CLPP: variants seen among roughly 807,000 people sequenced by gnomAD.
CLPP encodes ATP-dependent Clp protease proteolytic subunit, mitochondrial.
A neutral mutation model predicts 27.4 loss-of-function variants in CLPP; 14 were observed. The ratio of observed to expected loss-of-function variants is 0.51; its 90% CI spans 0.34 to 0.80. The LOEUF is 0.80. Among genes scored for constraint, CLPP ranks in the 30% least tolerant of loss-of-function variants. The pLI, the probability that CLPP is intolerant of heterozygous loss-of-function variation, is 0.02. For missense variants in CLPP, 361 were observed against 403.6 expected (o/e 0.89, Z 0.90); for synonymous variants, 193 against 166.6 (o/e 1.16, Z -1.22).
Position 6,362,466 on chromosome 19 carries a change from C to T in CLPP, c.291C>T (p.Ser97=). Residue 97 remains serine (S), a synonymous_variant, in exon 3 of 6, where the codon AGC becomes AGT. Transcript: ENST00000245816. ...VMGPIDDSVA[S]LVIAQLLFLQ... Reference sequence around the variant, plus strand: ...TGCAGATCGATGACAGCGTTGCCAGCCTTGTTATCGCACAGCTCCTCTTCC... The same window carrying T: ...TGCAGATCGATGACAGCGTTGCCAGTCTTGTTATCGCACAGCTCCTCTTCC... 6.2e-7 allele frequency: 1 copy of T among 1,613,940 alleles called. No individual in the cohort carries two copies. Among genetic ancestry groups the T allele is most frequent in the Admixed American group, 1.7e-5 (1 of 60,012 alleles).
At position 6,361,883 on chromosome 19, in the gene CLPP, C is replaced by G; in HGVS notation, c.213C>G (p.Arg71=). ...TCTACCCCCAGGGTCGCGGCGAGCG[C>G]GCCTATGACATCTACTCGCGGCTGC... ...IVVEQTGRGE[R]AYDIYSRLLR... The change falls in exon 2 of 6, where the codon CGC becomes CGG. Residue 71 remains arginine (R), a synonymous_variant. Transcript: ENST00000245816. The G allele has an allele frequency of 6.3e-7, 1 of 1,598,432 alleles. No individual in the cohort carries two copies. The highest frequency in any genetic ancestry group is 8.5e-7 in the Non-Finnish European group (1 of 1,179,306).
Position 6,361,570 on chromosome 19 carries a change from G to A in CLPP, c.-5G>A, listed in dbSNP as rs75589928. 0.023 allele frequency: 32,855 copies of A among 1,398,188 alleles called. 914 individuals carry two copies. The highest frequency in any genetic ancestry group is 0.14 in the African/African-American group (9,093 of 65,606). 86.6% of individuals were successfully genotyped at this position (1,398,188 alleles called of 1,614,324 possible). On this transcript the variant is annotated 5_prime_UTR_variant, in exon 1 of 6. Coordinates refer to ENST00000245816, the MANE Select transcript of CLPP (RefSeq NM_006012.4). ...GGACGGAAGCCGACCGGGGCGTGCG[G>A]AGGGATGTGGCCCGGAATATTGGTA...
intron 1 of CLPP, 47 bp from the exon 2 acceptor site, chr19:6,361,822 G>A: frequency 1.3e-6 from 2 of 1,501,058 alleles, no homozygotes; most frequent in South Asian, 1.2e-5. Context: ...GCTGGGTGGG[G>A]ATCGGCTGGC....
At position 6,362,858 on chromosome 19, in the gene CLPP, C is replaced by T. The variant is rs910465989; in HGVS notation, c.367+316C>T. Reference sequence around the variant, plus strand: ...ATCCCAACACTTTGGGAGGCTGAGGCGGGCGGATTGCTCGAGCTCAGGAGT... The same window carrying T: ...ATCCCAACACTTTGGGAGGCTGAGGTGGGCGGATTGCTCGAGCTCAGGAGT... On this transcript the variant is annotated intron_variant, in intron 3 of 5. Transcript: ENST00000245816. 5.9e-5 allele frequency among the ~76,000 whole-genome samples: 9 copies of T among 152,036 alleles called. No individual in the cohort carries two copies. In the South Asian group the frequency reaches 6.2e-4, roughly 11 times the overall value.
intron 2 of CLPP, 90 bp downstream of exon 2, chr19:6,362,030 C>T (rs1007083620): frequency 1.3e-5 from 16 of 1,239,860 alleles, no homozygotes; most frequent in Non-Finnish European, 1.7e-5. Flanking sequence ...CCCAGACTTT[C>T]CCTCAGGCTC....
In CLPP at chr19:6,361,859, C is replaced by T. The variant is rs1423048233; in HGVS notation, c.199-10C>T. On this transcript the variant is annotated splice_polypyrimidine_tract_variant and intron_variant, in intron 1 of 5. Transcript: ENST00000245816. ...GCCCCGGCCCCTCACCTCCATCTTT[C>T]TACCCCCAGGGTCGCGGCGAGCGCG... 1 of 1,596,438 alleles carries T rather than the reference C, an allele frequency of 6.3e-7. No individual in the cohort carries two copies. Among genetic ancestry groups the T allele is most frequent in the East Asian group, 2.2e-5 (1 of 44,734 alleles).
chr19:6,364,030 ATTT>A (rs552499372), intron 3 of CLPP, among the ~76,000 whole-genome samples: 4 of 135,082 alleles, frequency 3.0e-5, no homozygotes, highest in East Asian at 4.2e-4. Context: ...CCCAGTCTTA[ATTT>A]TTTTTTTTTT....
chr19:6,367,721 A>T (rs1037959795), intron 5 of CLPP, among the ~76,000 whole-genome samples: 4 of 142,106 alleles, frequency 2.8e-5, no homozygotes, highest in African/African-American at 7.9e-5. Flanking sequence ...ATCAATAACA[A>T]TTTTTTTTTT....
In CLPP at chr19:6,361,668, C is replaced by T; in HGVS notation, c.94C>T (p.Arg32Trp). Residue 32 changes from arginine to tryptophan, a missense_variant, in exon 1 of 6, where the codon CGG becomes TGG. Physicochemically the swap from Arg to Trp is moderately radical, Grantham distance 101. Transcript: ENST00000245816. The part of the protein sequence containing the change: ...PRLAAHFPAQ[R>W]PPQRTLQNGL... Reference sequence around the variant, plus strand: ...CCTCGCCGCTCACTTTCCAGCGCAGCGGCCGCCGCAGCGGACACTCCAGAA... The same window carrying T: ...CCTCGCCGCTCACTTTCCAGCGCAGTGGCCGCCGCAGCGGACACTCCAGAA... The T allele has an allele frequency of 4.9e-6, 7 of 1,433,446 alleles. No individual in the cohort carries two copies. The highest frequency in any genetic ancestry group is 2.9e-5 in the South Asian group (2 of 68,658). The allele number at this position is 1,433,446 out of a possible 1,614,324, so 88.8% of individuals were successfully genotyped here.
chr19:6,366,039 A>G (rs1420852048), intron 4 of CLPP, among the ~76,000 whole-genome samples: 1 of 152,198 alleles, frequency 6.6e-6, no homozygotes, highest in Non-Finnish European at 1.5e-5. Context: ...GCAAGGCTTC[A>G]GATGCAGAAA....
chr19:6,367,502 A>C (rs1378003724), intron 5 of CLPP, among the ~76,000 whole-genome samples: 1 of 151,998 alleles, frequency 6.6e-6, no homozygotes, highest in Non-Finnish European at 1.5e-5. Context: ...AAGGAGAGCT[A>C]ATTTATGCTG....
At chr19:6,364,678 A>G in intron 4 of CLPP, 39 bp downstream of exon 4, 3 of 1,584,912 alleles carry the variant, frequency 1.9e-6, no homozygotes, top group Non-Finnish European at 2.6e-6. Flanking sequence ...GGGAATCAGG[A>G]CAGGGTCTAG....
intron 3 of CLPP, 46 bp downstream of exon 3, chr19:6,362,588 AC>A: frequency 7.6e-7 from 1 of 1,314,076 alleles, no homozygotes; most frequent in Non-Finnish European, 1.1e-6. Flanking sequence ...GTCAGGGCAC[AC>A]GGGTGACTCA....
chr19:6,364,788 G>A (rs2091854157), intron 4 of CLPP, 149 bp downstream of exon 4: 4 of 734,178 alleles, frequency 5.4e-6, no homozygotes, highest in East Asian at 2.9e-5. Context: ...GAGTGCAGTG[G>A]TGCGATCTCG....
At chr19:6,362,684 CA>C in intron 3 of CLPP, 142 bp downstream of exon 3, 1 of 635,310 alleles carries the variant, frequency 1.6e-6, no homozygotes. Flanking sequence ...TTTAAACCAC[CA>C]AAAGGTGCCT....
At chr19:6,365,343 G>T (rs1290355363) in intron 4 of CLPP, among the ~76,000 whole-genome samples, 1 of 152,114 alleles carries the variant, frequency 6.6e-6, no homozygotes, top group African/African-American at 2.4e-5. Context: ...GCTGGGCATG[G>T]TGGTGCGTGC....
intron 5 of CLPP, 147 bp downstream of exon 5, chr19:6,366,510 C>A: frequency 1.8e-6 from 1 of 569,736 alleles, no homozygotes; most frequent in Non-Finnish European, 3.2e-6. Flanking sequence ...GTCAGCCTGG[C>A]CAACATGGTG....
chr19:6,370,212 AG>A lies in CLPP; in HGVS notation c.*1504del, dbSNP rs1370679902. Among the ~76,000 whole-genome samples the A allele has an allele frequency of 2.0e-5, 3 of 152,198 alleles. No individual in the cohort carries two copies. The highest frequency in any genetic ancestry group is 7.2e-5 in the African/African-American group (3 of 41,442). On this transcript the variant is annotated 3_prime_UTR_variant, in exon 6 of 6. Transcript: ENST00000245816. The stretch of plus-strand genomic sequence containing the variant: ...TATGTCCCTCGACATCAGGGTCAAG[AG>A]GTTGAAATAAAAACGTAGGTGTCAT...
In CLPP at chr19:6,366,311, G is replaced by A. The variant is rs1284979432; in HGVS notation, c.609G>A (p.Lys203=). The A allele has an allele frequency of 6.2e-7, 1 of 1,612,970 alleles. No homozygotes were observed. ...CAGAGGAGATCATGAAGCTCAAGAA[G>A]CAGCTCTATAACATCTACGCCAAGC... The part of the protein sequence containing the change: ...IQAEEIMKLK[K]QLYNIYAKHT... Residue 203 remains lysine, a synonymous_variant, in exon 5 of 6, where the codon AAG becomes AAA. Transcript: ENST00000245816.
Sources: allele counts gnomAD v4.1 joint callset (sites outside exome capture counted in the v4.1 genomes callset), GRCh38; gene constraint gnomAD v4.1.1; transcripts MANE v1.5; gene names NCBI Gene and HGNC (gene_info 2026-07-23, HGNC 2026-07-21).